PTPN5: variants seen among roughly 807,000 people sequenced by gnomAD.
The protein encoded by PTPN5 is protein tyrosine phosphatase non-receptor type 5.
In PTPN5, 29 loss-of-function variants were observed where a neutral mutation model predicts 73.9. That is an observed-to-expected ratio of 0.39 (90% CI 0.29 to 0.54). PTPN5 has a LOEUF of 0.54. PTPN5 is among the 20% of genes least tolerant of loss of function. The pLI is 0.65. For synonymous variants in PTPN5, 267 were observed against 304.7 expected (o/e 0.88, Z 1.29); for missense variants, 652 against 751.4 (o/e 0.87, Z 1.55).
At chr11:18,765,366 T>C (rs1376912069) in intron 3 of PTPN5, among the ~76,000 whole-genome samples, 2 of 151,944 alleles carry the variant, frequency 1.3e-5, no homozygotes, top group Non-Finnish European at 2.9e-5. Flanking sequence ...AGCAGCACAG[T>C]TTCACCCTCA....
At chr11:18,739,293 G>A (rs1849258696) in intron 8 of PTPN5, among the ~76,000 whole-genome samples, 1 of 152,228 alleles carries the variant, frequency 6.6e-6, no homozygotes, top group Non-Finnish European at 1.5e-5. Context: ...GGTAGAGGAT[G>A]TGATTCTTTC....
chr11:18,742,110 T>G lies in PTPN5; in HGVS notation c.725+152A>C. The G allele has an allele frequency of 9.4e-7, 1 of 1,062,354 alleles. No homozygotes were observed. The highest frequency in any genetic ancestry group is 1.5e-5 in the South Asian group (1 of 65,934). 65.8% of individuals were successfully genotyped at this position (1,062,354 alleles called of 1,614,324 possible). Reference sequence around the variant, plus strand: ...TCATCTTGGGGCACTTTGATCTCTATGAATGACCTGGATAGCACATGTCTA... The same window carrying G: ...TCATCTTGGGGCACTTTGATCTCTAGGAATGACCTGGATAGCACATGTCTA... On this transcript the variant is annotated intron_variant, in intron 7 of 14. Coordinates refer to ENST00000358540, the MANE Select transcript of PTPN5 (RefSeq NM_006906.2). This position sits in a 1 kb window ranked among gnomAD's most constrained non-coding sequence, Gnocchi z 4.1.
At chr11:18,736,899 A>C (rs1849138070) in intron 9 of PTPN5, among the ~76,000 whole-genome samples, 1 of 152,168 alleles carries the variant, frequency 6.6e-6, no homozygotes, top group African/African-American at 2.4e-5. Context: ...GGAAGAGGTG[A>C]GCATCCCTGA....
chr11:18,777,243 G>A (rs1434641668), intron 1 of PTPN5, among the ~76,000 whole-genome samples: 5 of 152,158 alleles, frequency 3.3e-5, no homozygotes, highest in Non-Finnish European at 5.9e-5. Context: ...ATGAATCAAG[G>A]CTCCCCCACT....
intron 3 of PTPN5, among the ~76,000 whole-genome samples, chr11:18,749,049 C>G (rs1044534343): frequency 6.6e-6 from 1 of 152,220 alleles, no homozygotes; most frequent in Non-Finnish European, 1.5e-5. Flanking sequence ...TGGGCTGGCT[C>G]TCTGCAGTTC....
intron 11 of PTPN5, among the ~76,000 whole-genome samples, 190 bp from the exon 12 acceptor site, chr11:18,732,892 A>T (rs1353103566): frequency 6.6e-6 from 1 of 152,200 alleles, no homozygotes; most frequent in South Asian, 2.1e-4. Flanking sequence ...TCCTCTGGAA[A>T]ACAGAAGTGC....
intron 2 of PTPN5, among the ~76,000 whole-genome samples, chr11:18,771,395 G>A (rs1160279781): frequency 2.0e-5 from 3 of 152,116 alleles, no homozygotes; most frequent in South Asian, 2.1e-4. Flanking sequence ...CGTCTTCCAC[G>A]GAGCACTCCC....
rs756778828 is a variant in PTPN5 at position 18,732,572 on chromosome 11, A to T, written c.1329+20T>A. The T allele has an allele frequency of 4.5e-5, 72 of 1,598,484 alleles. No individual in the cohort carries two copies. The highest frequency in any genetic ancestry group is 6.1e-5 in the Non-Finnish European group (71 of 1,166,716). ...CCTACACTCATCCTCAGCTTCACCC[A>T]GCCCTGCCCCAGGCCTCACCTTGAG... On this transcript the variant is annotated intron_variant, in intron 12 of 14. Coordinates refer to ENST00000358540, the MANE Select transcript of PTPN5 (RefSeq NM_006906.2).
In PTPN5 at chr11:18,742,941, C is replaced by T; in HGVS notation, c.483+51G>A. On this transcript the variant is annotated intron_variant, in intron 6 of 14. Coordinates refer to ENST00000358540, the MANE Select transcript of PTPN5 (RefSeq NM_006906.2). This position sits in a 1 kb window ranked among gnomAD's most constrained non-coding sequence, Gnocchi z 4.1. ...GATGGGAGCTGGTAGAAATCCAGGC[C>T]TCAAGGTCAGAGGAGGACAGCCTTG... 8.0e-7 allele frequency: 1 copy of T among 1,248,652 alleles called. No individual in the cohort carries two copies. The highest frequency in any genetic ancestry group is 1.1e-6 in the Non-Finnish European group (1 of 871,624). 77.3% of individuals were successfully genotyped at this position (1,248,652 alleles called of 1,614,324 possible).
chr11:18,739,029 C>T (rs1277017582), intron 8 of PTPN5, among the ~76,000 whole-genome samples: 1 of 151,890 alleles, frequency 6.6e-6, no homozygotes, highest in African/African-American at 2.4e-5. Context: ...TGACATCTTC[C>T]GGGATGACTC....
intron 12 of PTPN5, among the ~76,000 whole-genome samples, chr11:18,732,244 A>G (rs1848908896): frequency 6.6e-6 from 1 of 152,208 alleles, no homozygotes; most frequent in Non-Finnish European, 1.5e-5. Context: ...TGAACCCTCA[A>G]TTATAAGCAC....
rs760151930 is a variant in PTPN5, at chr11:18,729,900, G to T, written c.1330-82C>A. On this transcript the variant is annotated intron_variant, in intron 12 of 14. Coordinates refer to ENST00000358540, the MANE Select transcript of PTPN5 (RefSeq NM_006906.2). The surrounding 1 kb of genome is among the most constrained non-coding windows in gnomAD (Gnocchi z 5.2). ...CCAGCCCAGAGATAGAGATGAGATG[G>T]AAGGAGGAAGAACACAGGAAGAACA... is the stretch of plus-strand genomic sequence containing the variant. The T allele has an allele frequency of 3.2e-6, 5 of 1,554,566 alleles. No homozygotes were observed. The Middle Eastern group carries it at 6.7e-4, about 209-fold the overall frequency.
Position 18,749,946 on chromosome 11 carries a change from A to T in PTPN5, c.98-5747T>A, listed in dbSNP as rs189423403. 3.3e-5 allele frequency among the ~76,000 whole-genome samples: 5 copies of T among 152,242 alleles called. No homozygotes were observed. The East Asian group carries it at 9.7e-4, about 29-fold the overall frequency. On this transcript the variant is annotated intron_variant, in intron 3 of 14. Coordinates refer to ENST00000358540, the MANE Select transcript of PTPN5 (RefSeq NM_006906.2). ...CCAGTTAGCTTTTCTTCCCTTCCCA[A>T]TGTGGCCAGCGGTCACAGGGAGCCC... is the stretch of plus-strand genomic sequence containing the variant.
At chr11:18,749,484 A>AG (rs1849786868) in intron 3 of PTPN5, 3 of 251,120 alleles carry the variant, frequency 1.2e-5, no homozygotes, top group Admixed American at 3.7e-5. Context: ...GGGTCGGGGG[A>AG]GGGTGGGGGG....
intron 3 of PTPN5, among the ~76,000 whole-genome samples, chr11:18,761,806 C>T (rs1346814006): frequency 6.6e-6 from 1 of 152,138 alleles, no homozygotes; most frequent in African/African-American, 2.4e-5. Flanking sequence ...AGGAAGCATG[C>T]AGAGTGGAAG....
chr11:18,781,305 ACTGT>A (rs1207994163), intron 1 of PTPN5, among the ~76,000 whole-genome samples: 3 of 114,826 alleles, frequency 2.6e-5, no homozygotes, highest in Admixed American at 9.2e-5. Context: ...CAGAGATCAG[ACTGT>A]CTTTTTTTGA....
chr11:18,762,793 T>TG (rs1441578562), intron 3 of PTPN5, among the ~76,000 whole-genome samples: 2 of 152,174 alleles, frequency 1.3e-5, no homozygotes, highest in African/African-American at 2.4e-5. Context: ...ATATTGTGAA[T>TG]GGGGGGTCCA....
Position 18,740,694 on chromosome 11 carries a change from C to T in PTPN5, c.824G>A (p.Arg275His), listed in dbSNP as rs148026632. 298 of 1,609,086 alleles carry T rather than the reference C, an allele frequency of 1.9e-4. No individual in the cohort carries two copies. Among genetic ancestry groups the T allele is most frequent in the Non-Finnish European group, 2.3e-4 (275 of 1,177,298 alleles). Reference protein sequence around the residue: ...YLMSPREESAREYLLSASRVL... With the variant: ...YLMSPREESAHEYLLSASRVL... ...ACGGGAGGCGCTGAGCAGGTACTCG[C>T]GGGCGGACTCCTCACGTGGGGACAT... Residue 275 changes from arginine to histidine, a missense_variant, in exon 8 of 15, where the codon CGC (arginine) becomes CAC (histidine). By Grantham distance (29) the Arg-to-His change is conservative. Around this residue, in one of 3 missense-constraint regions of PTPN5, gnomAD observed 529 missense variants for 573.9 expected, o/e 0.92. Transcript: ENST00000358540.
intron 1 of PTPN5, among the ~76,000 whole-genome samples, chr11:18,784,776 G>C (rs1329644416): frequency 6.6e-6 from 1 of 151,984 alleles, no homozygotes; most frequent in East Asian, 1.9e-4. Flanking sequence ...CTAGGGCTCT[G>C]TGACCTTGAC....
Sources: gnomAD v4.1 joint callset for allele counts (sites outside exome capture counted in the v4.1 genomes callset) on GRCh38, gnomAD v4.1.1 for gene constraint, gnomAD v4.1.1 regional missense constraint, Gnocchi (gnomAD v3.1) non-coding constraint, MANE v1.5 for transcripts, NCBI Gene and HGNC (gene_info 2026-07-23, HGNC 2026-07-21) for gene names.